The following SULT1C2 variants were observed in gnomAD, a reference collection of about 807,000 sequenced individuals.
The protein encoded by SULT1C2 is sulfotransferase 1C2.
SULT1C2 carries 27 observed loss-of-function variants against 36.0 expected under a neutral mutation model. The ratio of observed to expected loss-of-function variants is 0.75; its 90% CI spans 0.55 to 1.03. The LOEUF is 1.03. Among genes scored for constraint, SULT1C2 ranks in the 50% least tolerant of loss-of-function variants. The pLI is 0.00. For missense variants in SULT1C2, 395 were observed against 359.2 expected, an observed-to-expected ratio of 1.10 and a Z score of -0.80; for synonymous variants, 121 against 116.0, an observed-to-expected ratio of 1.04 and a Z score of -0.27.
At position 108,308,866 on chromosome 2, in the gene SULT1C2, A is replaced by G. The variant is rs56080173; in HGVS notation, c.*402A>G. 7.1e-3 allele frequency: 1,096 copies of G among 155,126 alleles called. 8 individuals are homozygous for G. The highest frequency in any genetic ancestry group is 9.0e-3 in the Non-Finnish European group (631 of 69,952). 9.6% of individuals were successfully genotyped at this position (155,126 alleles called of 1,614,324 possible). Reference sequence around the variant, plus strand: ...AAAATTTCTGTCATCTGTCCTGGCCATTCAGGCAACTCCAGCCTGGGCTCA... The same window carrying G: ...AAAATTTCTGTCATCTGTCCTGGCCGTTCAGGCAACTCCAGCCTGGGCTCA... On this transcript the variant is annotated 3_prime_UTR_variant, in exon 8 of 8. Coordinates refer to ENST00000251481, the MANE Select transcript of SULT1C2 (RefSeq NM_001056.4).
At chr2:108,308,266 T>A in intron 7 of SULT1C2, 86 bp from the exon 8 acceptor site, 1 of 1,244,696 alleles carries the variant, frequency 8.0e-7, no homozygotes, top group Non-Finnish European at 1.1e-6. Flanking sequence ...ACAGGCCAGA[T>A]TCAGTATGGG....
At chr2:108,293,520 G>A (rs904968219) in intron 1 of SULT1C2, 127 bp from the exon 2 acceptor site, 1 of 842,728 alleles carries the variant, frequency 1.2e-6, no homozygotes, top group East Asian at 3.0e-5. Flanking sequence ...TATAATGGTT[G>A]CACAACAATG....
At chr2:108,300,589 T>C (rs774474952) in intron 3 of SULT1C2, 15 of 546,944 alleles carry the variant, frequency 2.7e-5, no homozygotes, top group Middle Eastern at 5.0e-4. Context: ...TTGACCATTC[T>C]CACCTTCTGT....
intron 4 of SULT1C2, chr2:108,302,765 GAC>G (rs1470323581): frequency 6.6e-6 from 1 of 152,160 alleles, no homozygotes; most frequent in East Asian, 1.9e-4. Context: ...GCTACTTTTA[GAC>G]ACAGAAATAT....
intron 4 of SULT1C2, chr2:108,301,452 G>C (rs1676870558): frequency 2.6e-5 from 4 of 152,556 alleles, no homozygotes; most frequent in Admixed American, 2.6e-4. Context: ...GCGGTGGCGG[G>C]CGCCTGTAGT....
At chr2:108,307,400 G>C (rs1177542815) in intron 7 of SULT1C2, among the ~76,000 whole-genome samples, 1 of 152,168 alleles carries the variant, frequency 6.6e-6, no homozygotes, top group African/African-American at 2.4e-5. Flanking sequence ...TCTAGGGCAA[G>C]GCATATAGAC....
At chr2:108,304,774 T>TTATCCCC in intron 5 of SULT1C2, 74 bp downstream of exon 5, 1 of 1,541,014 alleles carries the variant, frequency 6.5e-7, no homozygotes, top group Non-Finnish European at 8.7e-7. Flanking sequence ...AGGCAGCATT[T>TTATCCCC]TATCCCCTAG....
At chr2:108,305,097 C>T (rs1676987147) in intron 5 of SULT1C2, 75 bp from the exon 6 acceptor site, 2 of 1,552,318 alleles carry the variant, frequency 1.3e-6, no homozygotes. Flanking sequence ...TAACTCACTT[C>T]AGGAAAATCC....
Position 108,294,283 on chromosome 2 carries a change from A to G in SULT1C2, c.206A>G (p.Glu69Gly). Residue 69 changes from glutamate (E) to glycine (G), a missense_variant, in exon 3 of 8, where the codon GAG (glutamate) becomes GGG (glycine). By Grantham distance (98) the Glu-to-Gly change is moderately conservative. Transcript: ENST00000251481. ...ATGATTGAACAGAATGGGGACGTGG[A>G]GAAGTGCCAGCGAGCCATCATCCAA... Reference protein sequence around the residue: ...VDMIEQNGDVEKCQRAIIQHR... With the variant: ...VDMIEQNGDVGKCQRAIIQHR... 1 of 1,614,140 alleles carries G rather than the reference A, an allele frequency of 6.2e-7. No individual in the cohort carries two copies. The highest frequency in any genetic ancestry group is 8.5e-7 in the Non-Finnish European group (1 of 1,180,000).
chr2:108,293,655 A>G lies in SULT1C2; in HGVS notation c.-13A>G, dbSNP rs1558676642. On this transcript the variant is annotated 5_prime_UTR_variant, in exon 2 of 8. Transcript: ENST00000251481. ...CTATTCTTTTCCCATAGGGACCCCA[A>G]CCCTGAGACACTATGGCCCTGACCT... The G allele has an allele frequency of 5.0e-6, 8 of 1,599,190 alleles. No individual in the cohort carries two copies. In the South Asian group the frequency reaches 7.9e-5, roughly 16 times the overall value.
chr2:108,293,094 G>A (rs772686912), intron 1 of SULT1C2, among the ~76,000 whole-genome samples: 8 of 144,550 alleles, frequency 5.5e-5, no homozygotes, highest in Admixed American at 3.0e-4. Context: ...CATGAGAATC[G>A]CTTGAACCCT....
intron 1 of SULT1C2, among the ~76,000 whole-genome samples, chr2:108,292,693 A>G (rs6751951): frequency 0.94 from 142,464 of 152,284 alleles, 66,748 homozygotes; most frequent in African/African-American, 0.97. Flanking sequence ...AAAATGGTGC[A>G]GCTGCTGTGG....
intron 7 of SULT1C2, among the ~76,000 whole-genome samples, chr2:108,306,147 G>C (rs1276158305): frequency 6.6e-6 from 1 of 152,146 alleles, no homozygotes; most frequent in Non-Finnish European, 1.5e-5. Context: ...ACCCAAACCT[G>C]CTCTACTTCA....
At chr2:108,290,698 C>T (rs1485607926) in intron 1 of SULT1C2, among the ~76,000 whole-genome samples, 1 of 152,166 alleles carries the variant, frequency 6.6e-6, no homozygotes, top group Non-Finnish European at 1.5e-5. Flanking sequence ...TGGGAGATGG[C>T]ATTAATCTAC....
At position 108,305,262 on chromosome 2, in the gene SULT1C2, A is replaced by G; in HGVS notation, c.593A>G (p.Lys198Arg). The change falls in exon 6 of 8, where the codon AAG becomes AGG. Residue 198 changes from lysine (K) to arginine (R), a missense_variant. Lys to Arg is a conservative substitution (Grantham distance 26). Coordinates refer to ENST00000251481, the MANE Select transcript of SULT1C2 (RefSeq NM_001056.4). ...QILFLFYEDIKRDPKHEIRKV... is the reference protein window; with the variant it reads ...QILFLFYEDIRRDPKHEIRKV... The stretch of plus-strand genomic sequence containing the variant: ...CTCTTCCTCTTCTATGAGGACATAA[A>G]GAGGGTGAGTGAAGGCTCTGCAGAA... 1 of 1,614,160 alleles carries G rather than the reference A, an allele frequency of 6.2e-7. No homozygotes were observed. Among genetic ancestry groups the G allele is most frequent in the Non-Finnish European group, 8.5e-7 (1 of 1,180,024 alleles).
rs6747138 is a variant in SULT1C2 at position 108,304,220 on chromosome 2, C to T, written c.376-354C>T. Reference sequence around the variant, plus strand: ...GCTTCTGTGCATCTTTGGGAGGGTGCGCGAGGGGTCATCAGTTTACGTTGA... The same window carrying T: ...GCTTCTGTGCATCTTTGGGAGGGTGTGCGAGGGGTCATCAGTTTACGTTGA... On this transcript the variant is annotated intron_variant, in intron 4 of 7. Transcript: ENST00000251481. The T allele has an allele frequency of 8.0e-4, 132 of 165,354 alleles. 1 individual carries two copies. The highest frequency in any genetic ancestry group is 1.5e-3 in the Non-Finnish European group (112 of 76,680). 10.2% of individuals were successfully genotyped at this position (165,354 alleles called of 1,614,324 possible).
intron 7 of SULT1C2, among the ~76,000 whole-genome samples, chr2:108,305,959 G>C (rs896115568): frequency 6.6e-6 from 1 of 152,220 alleles, no homozygotes; most frequent in African/African-American, 2.4e-5. Flanking sequence ...TCAGCAGCAG[G>C]AGGGATGTGT....
At chr2:108,296,915 G>A (rs1676745028) in intron 3 of SULT1C2, among the ~76,000 whole-genome samples, 1 of 152,154 alleles carries the variant, frequency 6.6e-6, no homozygotes, top group Non-Finnish European at 1.5e-5. Context: ...ATGAGCTTGT[G>A]CCCTGCATGG....
intron 6 of SULT1C2, 42 bp from the exon 7 acceptor site, chr2:108,305,373 G>A: frequency 6.2e-7 from 1 of 1,609,760 alleles, no homozygotes; most frequent in Non-Finnish European, 8.5e-7. Flanking sequence ...ATTTCTTTAT[G>A]ATACTCTCAT....
Sources: gnomAD v4.1 joint callset for allele counts (sites outside exome capture counted in the v4.1 genomes callset) on GRCh38, gnomAD v4.1.1 for gene constraint, MANE v1.5 for transcripts, NCBI Gene and HGNC (gene_info 2026-07-23, HGNC 2026-07-21) for gene names.